The following ZNF438 variants were observed in gnomAD, a reference collection of about 807,000 sequenced individuals.
ZNF438 encodes the protein zinc finger protein 438.
Under a neutral mutation model 38.0 loss-of-function variants are expected in ZNF438, and 25 were observed. The ratio of observed to expected loss-of-function variants is 0.66; its 90% CI spans 0.48 to 0.92. The LOEUF is 0.92. ZNF438 is among the 40% of genes least tolerant of loss of function. The pLI is 0.00. For synonymous variants in ZNF438, 372 were observed against 364.1 expected, an observed-to-expected ratio of 1.02 and a Z score of -0.25; for missense variants, 1,007 against 999.6, an observed-to-expected ratio of 1.01 and a Z score of -0.10.
intron 3 of ZNF438, among the ~76,000 whole-genome samples, chr10:30,892,489 T>C (rs905116420): frequency 6.6e-6 from 1 of 152,126 alleles, no homozygotes; most frequent in Non-Finnish European, 1.5e-5. Context: ...CCATTGCATT[T>C]ATATATTAAG....
chr10:30,905,531 T>C (rs1039508161), intron 3 of ZNF438, among the ~76,000 whole-genome samples: 17 of 152,194 alleles, frequency 1.1e-4, no homozygotes, highest in African/African-American at 4.1e-4. Flanking sequence ...GATTTGCAAA[T>C]ATTTTCTCCC....
intron 4 of ZNF438, among the ~76,000 whole-genome samples, chr10:30,873,643 G>C (rs962684428): frequency 6.6e-6 from 1 of 152,176 alleles, no homozygotes; most frequent in African/African-American, 2.4e-5. Flanking sequence ...CATTAGTCAT[G>C]CTTTATTCTA....
At chr10:30,921,953 G>A (rs986675019) in intron 2 of ZNF438, among the ~76,000 whole-genome samples, 5 of 152,100 alleles carry the variant, frequency 3.3e-5, no homozygotes, top group Admixed American at 6.5e-5. Flanking sequence ...TTCCAAAAAC[G>A]GGGAAAAATT....
At chr10:30,947,439 A>G (rs2047549942) in intron 1 of ZNF438, among the ~76,000 whole-genome samples, 1 of 152,392 alleles carries the variant, frequency 6.6e-6, no homozygotes, top group East Asian at 1.9e-4. Context: ...GCTGTCAGAC[A>G]GGGACATTTA....
At chr10:30,886,128 A>T (rs1000423560) in intron 3 of ZNF438, among the ~76,000 whole-genome samples, 15 of 152,216 alleles carry the variant, frequency 9.9e-5, no homozygotes, top group African/African-American at 2.7e-4. Context: ...TTTTATTGTT[A>T]ACTATCAAAA....
chr10:30,849,692 C>T, exon 5 of ZNF438: 1 of 1,614,120 alleles, frequency 6.2e-7, no homozygotes, highest in South Asian at 1.1e-5. Flanking sequence ...GTGTGCTTTC[C>T]CTGAAAGAGC....
At chr10:30,923,169 C>T (rs2044518621) in intron 2 of ZNF438, 1 of 152,160 alleles carries the variant, frequency 6.6e-6, no homozygotes, top group African/African-American at 2.4e-5. Context: ...TGGCATGTAA[C>T]TCAGCAGGAT....
intron 1 of ZNF438, among the ~76,000 whole-genome samples, chr10:30,950,206 C>G (rs2047997956): frequency 6.6e-6 from 1 of 151,552 alleles, no homozygotes; most frequent in South Asian, 2.1e-4. Context: ...CCAACGAGAA[C>G]AAAGACACAA....
intron 3 of ZNF438, among the ~76,000 whole-genome samples, chr10:30,900,008 G>C (rs2041801173): frequency 6.6e-6 from 1 of 152,120 alleles, no homozygotes; most frequent in Admixed American, 6.5e-5. Context: ...CCACAAAGCA[G>C]GTGCTGGAAA....
chr10:30,998,210 G>A (rs1429237672), intron 1 of ZNF438, among the ~76,000 whole-genome samples: 1 of 152,020 alleles, frequency 6.6e-6, no homozygotes, highest in Non-Finnish European at 1.5e-5. Context: ...ATTTTACAAA[G>A]GGAGTGACCT....
At chr10:30,898,320 A>C (rs2041602983) in intron 3 of ZNF438, among the ~76,000 whole-genome samples, 1 of 152,200 alleles carries the variant, frequency 6.6e-6, no homozygotes, top group South Asian at 2.1e-4. Flanking sequence ...GTTCTCAATC[A>C]ACACTGCCAG....
intron 3 of ZNF438, among the ~76,000 whole-genome samples, chr10:30,899,367 C>A (rs2041729167): frequency 6.6e-6 from 1 of 152,120 alleles, no homozygotes; most frequent in Non-Finnish European, 1.5e-5. Context: ...AGGTTATTTG[C>A]CTAAATGATT....
intron 1 of ZNF438, among the ~76,000 whole-genome samples, chr10:31,029,253 T>G (rs2133437467): frequency 6.6e-6 from 1 of 152,300 alleles, no homozygotes; most frequent in East Asian, 1.9e-4. Flanking sequence ...ATATAATTCT[T>G]ATGATGATTA....
intron 3 of ZNF438, among the ~76,000 whole-genome samples, chr10:30,878,054 T>C (rs2038696297): frequency 6.6e-6 from 1 of 152,134 alleles, no homozygotes; most frequent in South Asian, 2.1e-4. Flanking sequence ...ACATCAGCGA[T>C]GGAAGCAGGA....
At chr10:30,975,233 A>G (rs2051207066) in intron 1 of ZNF438, among the ~76,000 whole-genome samples, 1 of 152,188 alleles carries the variant, frequency 6.6e-6, no homozygotes, top group African/African-American at 2.4e-5. Context: ...ATGGTCCTCA[A>G]GCATGTTCTG....
intron 1 of ZNF438, among the ~76,000 whole-genome samples, chr10:30,956,944 A>G (rs76378525): frequency 0.079 from 12,062 of 152,194 alleles, 572 homozygotes; most frequent in Non-Finnish European, 0.11. Context: ...TAGTTCTGTT[A>G]TTAATATTTT....
chr10:30,956,836 T>C (rs2048916423), intron 1 of ZNF438, among the ~76,000 whole-genome samples: 1 of 152,210 alleles, frequency 6.6e-6, no homozygotes, highest in African/African-American at 2.4e-5. Context: ...TAACTAGTGC[T>C]GCAATAAACA....
chr10:30,982,603 T>C (rs537334163), intron 1 of ZNF438, among the ~76,000 whole-genome samples: 2 of 152,330 alleles, frequency 1.3e-5, no homozygotes, highest in African/African-American at 4.8e-5. Flanking sequence ...TCTGTTGTTT[T>C]AAGTGTCTAT....
chr10:30,911,649 C>T (rs1156278680), intron 2 of ZNF438, among the ~76,000 whole-genome samples: 2 of 152,106 alleles, frequency 1.3e-5, no homozygotes, highest in Non-Finnish European at 2.9e-5. Flanking sequence ...CTAGGAAACT[C>T]ACTGCCCAGA....
Sources: gnomAD v4.1 joint callset for allele counts (sites outside exome capture counted in the v4.1 genomes callset) on GRCh38, gnomAD v4.1.1 for gene constraint, MANE v1.5 for transcripts, NCBI Gene and HGNC (gene_info 2026-07-23, HGNC 2026-07-21) for gene names.